The following VRK1 variants were observed in gnomAD, a reference collection of about 807,000 sequenced individuals.
VRK1 encodes VRK serine/threonine kinase 1, also known as serine/threonine-protein kinase VRK1.
A neutral mutation model predicts 57.1 loss-of-function variants in VRK1; 33 were observed. The observed-to-expected ratio is 0.58, with a 90% CI of 0.44 to 0.77. The LOEUF (loss-of-function observed/expected upper bound fraction) is 0.77. Among genes scored for constraint, VRK1 ranks in the 30% least tolerant of loss-of-function variants. The probability of loss-of-function intolerance (pLI) is 0.00; values close to 1 mark genes in which losing one functional copy is unlikely to be tolerated. For synonymous variants in VRK1, 137 were observed against 147.8 expected (o/e 0.93, Z 0.53); for missense variants, 413 against 477.3 (o/e 0.87, Z 1.25).
intron 3 of VRK1, among the ~76,000 whole-genome samples, chr14:96,838,906 C>T (rs1048128785): frequency 1.4e-4 from 19 of 134,568 alleles, no homozygotes; most frequent in Non-Finnish European, 2.2e-4. Context: ...ATGATTTTTA[C>T]GGGGAAATAC....
rs1197099777 is a variant in VRK1, at chr14:96,876,015, A to C, written c.1069-15A>C. ...GTCAGATATCTCTCTCTCTCTCTTT[A>C]ATTTTATATGTAAGAAGCGAAAGAA... On this transcript the variant is annotated splice_polypyrimidine_tract_variant and intron_variant, in intron 11 of 12. Coordinates refer to ENST00000216639, the MANE Select transcript of VRK1 (RefSeq NM_003384.3). 2 of 1,610,850 alleles carry C rather than the reference A, an allele frequency of 1.2e-6. No homozygotes were observed. Among genetic ancestry groups the C allele is most frequent in the Admixed American group, 3.3e-5 (2 of 59,934 alleles).
chr14:96,839,376 CT>C (rs34925573), intron 3 of VRK1, among the ~76,000 whole-genome samples: 49,504 of 151,882 alleles, frequency 0.33, 8,672 homozygotes, highest in South Asian at 0.43. Flanking sequence ...CTTTGAGTTG[CT>C]GGTTTATAGG....
chr14:96,866,577 T>A (rs898058498), intron 11 of VRK1, among the ~76,000 whole-genome samples: 1 of 152,134 alleles, frequency 6.6e-6, no homozygotes, highest in Non-Finnish European at 1.5e-5. Flanking sequence ...CCAGGTTTCT[T>A]CCCAGCCAGG....
chr14:96,857,533 C>G (rs1312891786), intron 10 of VRK1, among the ~76,000 whole-genome samples: 1 of 151,994 alleles, frequency 6.6e-6, no homozygotes, highest in African/African-American at 2.4e-5. Flanking sequence ...AGAAGAGTGA[C>G]ATGAACTGCT....
rs1315202928 is a variant in VRK1 at position 96,860,024 on chromosome 14, C to T, written c.890-533C>T. Among the ~76,000 whole-genome samples, 7 of 152,030 alleles carry T rather than the reference C, an allele frequency of 4.6e-5. No individual in the cohort carries two copies. In the East Asian group the frequency reaches 1.3e-3, roughly 29 times the overall value. ...TATGGTGTGGTTCTGTCTAAGTGTA[C>T]AGTACACTTTTATCATTTGGAAGCT... On this transcript the variant is annotated intron_variant, in intron 10 of 12. Transcript: ENST00000216639.
At chr14:96,820,320 A>AT (rs1886552331) in intron 1 of VRK1, among the ~76,000 whole-genome samples, 1 of 152,112 alleles carries the variant, frequency 6.6e-6, no homozygotes, top group East Asian at 1.9e-4. Context: ...GAATGACTGT[A>AT]GAATGGTCAA....
chr14:96,855,548 C>T (rs1253329520), intron 8 of VRK1, among the ~76,000 whole-genome samples, 192 bp downstream of exon 8: 1 of 152,166 alleles, frequency 6.6e-6, no homozygotes, highest in African/African-American at 2.4e-5. Context: ...TCTGTCCTGC[C>T]TTTTCCTCGC....
At chr14:96,824,727 C>G (rs544686163) in intron 1 of VRK1, among the ~76,000 whole-genome samples, 2 of 150,020 alleles carry the variant, frequency 1.3e-5, no homozygotes, top group African/African-American at 4.9e-5. Context: ...CGTCTCGGCT[C>G]ACTGCAAGCT....
intron 11 of VRK1, among the ~76,000 whole-genome samples, chr14:96,872,516 C>T (rs1017957794): frequency 6.6e-6 from 1 of 152,128 alleles, no homozygotes; most frequent in African/African-American, 2.4e-5. Context: ...TAATATAACT[C>T]TGGAAAAAAA....
At position 96,852,887 on chromosome 14, in the gene VRK1, C is replaced by T. The variant is rs1888005049; in HGVS notation, c.431C>T (p.Ala144Val). ...AGTGACCTTCAGAAAATATATGAAG[C>T]AAATGCCAAAAGGTTTTCTCGGAAA... is the stretch of plus-strand genomic sequence containing the variant. ...FGSDLQKIYE[A>V]NAKRFSRKTV... The change falls in exon 6 of 13, where the codon GCA becomes GTA. Residue 144 changes from alanine to valine, a missense_variant. Coordinates refer to ENST00000216639, the MANE Select transcript of VRK1 (RefSeq NM_003384.3). 1.2e-6 allele frequency: 2 copies of T among 1,613,718 alleles called. No homozygotes were observed. The highest frequency in any genetic ancestry group is 1.7e-6 in the Non-Finnish European group (2 of 1,179,878).
intron 3 of VRK1, among the ~76,000 whole-genome samples, chr14:96,838,735 A>G (rs1182874361): frequency 6.6e-6 from 1 of 152,208 alleles, no homozygotes; most frequent in Admixed American, 6.5e-5. Context: ...GGGTGGGGAC[A>G]CAGCCAAACC....
intron 7 of VRK1, among the ~76,000 whole-genome samples, chr14:96,854,630 G>C (rs1361164085): frequency 6.6e-6 from 1 of 152,094 alleles, no homozygotes; most frequent in Non-Finnish European, 1.5e-5. Flanking sequence ...TGAAGACTTG[G>C]CTTTAGAATA....
At chr14:96,829,206 A>AT (rs1202071231) in intron 1 of VRK1, among the ~76,000 whole-genome samples, 3,741 of 141,634 alleles carry the variant, frequency 0.026, 123 homozygotes, top group African/African-American at 0.071. Context: ...TTTTCTTTTA[A>AT]TTTTTTTTTT....
At chr14:96,831,740 T>C (rs1887013524) in intron 1 of VRK1, among the ~76,000 whole-genome samples, 1 of 152,190 alleles carries the variant, frequency 6.6e-6, no homozygotes. Context: ...TGTTGTCCAC[T>C]CATTTTAAAC....
intron 12 of VRK1, among the ~76,000 whole-genome samples, chr14:96,880,431 T>G (rs969835869): frequency 4.6e-5 from 7 of 152,208 alleles, no homozygotes; most frequent in African/African-American, 1.4e-4. Flanking sequence ...TGGCCCTGCT[T>G]CTTTCACCAG....
chr14:96,876,801 A>C (rs12885022), intron 12 of VRK1, among the ~76,000 whole-genome samples: 1 of 151,618 alleles, frequency 6.6e-6, no homozygotes, highest in African/African-American at 2.4e-5. Flanking sequence ...ACACAAAAAA[A>C]CAAAAAAAAC....
chr14:96,840,786 A>G (rs1426029703), intron 3 of VRK1, among the ~76,000 whole-genome samples: 1 of 152,052 alleles, frequency 6.6e-6, no homozygotes, highest in Non-Finnish European at 1.5e-5. Flanking sequence ...CTTGGAAGGA[A>G]AGTGTGCCAG....
intron 1 of VRK1, among the ~76,000 whole-genome samples, chr14:96,802,002 A>T (rs1216852317): frequency 6.6e-6 from 1 of 152,182 alleles, no homozygotes; most frequent in African/African-American, 2.4e-5. Context: ...TCTTAGAGGT[A>T]ATCTGTTATT....
At chr14:96,800,120 G>A (rs983018971) in intron 1 of VRK1, among the ~76,000 whole-genome samples, 2 of 152,064 alleles carry the variant, frequency 1.3e-5, no homozygotes, top group African/African-American at 4.8e-5. Flanking sequence ...TTAGGTAGGT[G>A]TTGTAACCAA....
Sources: allele counts gnomAD v4.1 joint callset (sites outside exome capture counted in the v4.1 genomes callset), GRCh38; gene constraint gnomAD v4.1.1; transcripts MANE v1.5; gene names NCBI Gene and HGNC (gene_info 2026-07-23, HGNC 2026-07-21).